Variants in DNAJC17 observed in about 807,000 individuals in gnomAD.
DNAJC17 encodes DnaJ heat shock protein family (Hsp40) member C17, also known as dnaJ homolog subfamily C member 17.
DNAJC17 carries 35 observed loss-of-function variants against 48.1 expected under a neutral mutation model. The observed-to-expected ratio is 0.73, with a 90% CI of 0.56 to 0.96. The LOEUF (loss-of-function observed/expected upper bound fraction) is 0.96, where lower values mean the gene tolerates loss of function less well. Among genes scored for constraint, DNAJC17 ranks in the 50% least tolerant of loss-of-function variants. The pLI, the probability that DNAJC17 is intolerant of heterozygous loss-of-function variation, is 0.00. For missense variants in DNAJC17, 355 were observed against 377.1 expected, an observed-to-expected ratio of 0.94 and a Z score of 0.48; for synonymous variants, 117 against 142.7, an observed-to-expected ratio of 0.82 and a Z score of 1.28.
At chr15:40,771,096 A>T (rs887614358) in intron 10 of DNAJC17, 2 of 1,391,156 alleles carry the variant, frequency 1.4e-6, no homozygotes, top group African/African-American at 2.9e-5. Context: ...GGACAGGGAC[A>T]GGACTCCAGG....
chr15:40,765,582 C>G lies in DNAJC17; in HGVS notation c.*2358G>C, dbSNP rs1485133872. 6.2e-6 allele frequency: 2 copies of G among 324,976 alleles called. No homozygotes were observed. Among genetic ancestry groups the G allele is most frequent in the Non-Finnish European group, 1.1e-5 (2 of 179,368 alleles). 20.1% of individuals were successfully genotyped at this position (324,976 alleles called of 1,614,324 possible). A position where few individuals can be genotyped will look rare whatever the true frequency, so the allele number is the denominator to read the frequency against. On this transcript the variant is annotated 3_prime_UTR_variant, in exon 11 of 11. Coordinates refer to ENST00000220496, the MANE Select transcript of DNAJC17 (RefSeq NM_018163.3). ...GCCTCAGTAGCTGGAACTATAGGCT[C>G]GTGATACTTTGCCTGGCTAAAGCTG...
chr15:40,775,784 G>A (rs1273250576), intron 6 of DNAJC17, among the ~76,000 whole-genome samples, 188 bp from the exon 7 acceptor site: 1 of 152,130 alleles, frequency 6.6e-6, no homozygotes, highest in East Asian at 1.9e-4. Flanking sequence ...GCCACCCCAG[G>A]GGTGGTCTAC....
rs1025821976 is a variant in DNAJC17, at chr15:40,779,453, T to A, written c.207+92A>T. On this transcript the variant is annotated intron_variant, in intron 3 of 10. Coordinates refer to ENST00000220496, the MANE Select transcript of DNAJC17 (RefSeq NM_018163.3). Reference sequence around the variant, plus strand: ...TCCTGGGCTTAGACAGCAAGGACTGTGCCACATGGCAAAGGGCAGAGGACC... The same window carrying A: ...TCCTGGGCTTAGACAGCAAGGACTGAGCCACATGGCAAAGGGCAGAGGACC... 1.9e-6 allele frequency: 3 copies of A among 1,580,498 alleles called. No individual in the cohort carries two copies. The Admixed American group carries it at 5.1e-5, about 27-fold the overall frequency.
intron 1 of DNAJC17, among the ~76,000 whole-genome samples, chr15:40,804,429 C>G (rs1178283190): frequency 1.4e-5 from 2 of 147,810 alleles, no homozygotes; most frequent in African/African-American, 2.5e-5. Flanking sequence ...AAAAAAAAAG[C>G]AAAAACAAAC....
intron 1 of DNAJC17, chr15:40,806,975 T>G: frequency 2.5e-6 from 1 of 403,374 alleles, no homozygotes; most frequent in Non-Finnish European, 4.5e-6. Context: ...TCTAGGCTCT[T>G]AGTGGAAGAA....
At position 40,770,566 on chromosome 15, in the gene DNAJC17, G is replaced by C; in HGVS notation, c.793-2504C>G. ...AAGCAGCTGAGCCTGGGGCGGCCACGGCGGCTCCGGCGACAGAGTAGTGTG... is the reference window on the plus strand; with the variant it reads ...AAGCAGCTGAGCCTGGGGCGGCCACCGCGGCTCCGGCGACAGAGTAGTGTG... On this transcript the variant is annotated intron_variant, in intron 10 of 10. Coordinates refer to ENST00000220496, the MANE Select transcript of DNAJC17 (RefSeq NM_018163.3). The surrounding 1 kb of genome is among the most constrained non-coding windows in gnomAD (Gnocchi z 5.0). The C allele has an allele frequency of 1.9e-6, 3 of 1,550,624 alleles. No homozygotes were observed. The highest frequency in any genetic ancestry group is 2.6e-6 in the Non-Finnish European group (3 of 1,146,974).
intron 1 of DNAJC17, among the ~76,000 whole-genome samples, chr15:40,788,789 T>C (rs376172845): frequency 7.9e-4 from 121 of 152,212 alleles, no homozygotes; most frequent in African/African-American, 2.8e-3. Flanking sequence ...GGAAGGATTA[T>C]TTGAGTCCAC....
intron 10 of DNAJC17, among the ~76,000 whole-genome samples, 189 bp downstream of exon 10, chr15:40,773,538 G>T (rs1889219200): frequency 6.6e-6 from 1 of 152,174 alleles, no homozygotes; most frequent in South Asian, 2.1e-4. Context: ...TGTGGGTGGG[G>T]CCTCTCTGGC....
At chr15:40,795,570 C>A (rs1357247450) in intron 1 of DNAJC17, among the ~76,000 whole-genome samples, 3 of 152,100 alleles carry the variant, frequency 2.0e-5, no homozygotes, top group African/African-American at 7.2e-5. Context: ...TGAAAAAGAA[C>A]CAGGCAGAAC....
chr15:40,792,857 C>G (rs2141959465), intron 1 of DNAJC17, among the ~76,000 whole-genome samples: 1 of 150,714 alleles, frequency 6.6e-6, no homozygotes, highest in East Asian at 1.9e-4. Context: ...ATTCTCCAGT[C>G]TACAAAATAA....
chr15:40,774,555 T>A, intron 8 of DNAJC17, 119 bp from the exon 9 acceptor site: 1 of 1,073,182 alleles, frequency 9.3e-7, no homozygotes, highest in Non-Finnish European at 1.4e-6. Context: ...GGGAGATAAC[T>A]TCTTGCCCCA....
rs549983422 is a variant in DNAJC17 at position 40,775,474 on chromosome 15, G to A, written c.522+79C>T. 52 of 1,513,032 alleles carry A rather than the reference G, an allele frequency of 3.4e-5. No individual in the cohort carries two copies. The South Asian group carries it at 5.2e-4, about 15-fold the overall frequency. The allele number at this position is 1,513,032 out of a possible 1,614,324, so 93.7% of individuals were successfully genotyped here. A position where few individuals can be genotyped will look rare whatever the true frequency, so the allele number is the denominator to read the frequency against. ...TCCAGCAGCCCCACCAGAAACCCTC[G>A]AGCCACAGGAAGCATCTATTCCTGC... is the stretch of plus-strand genomic sequence containing the variant. On this transcript the variant is annotated intron_variant, in intron 7 of 10. Coordinates refer to ENST00000220496, the MANE Select transcript of DNAJC17 (RefSeq NM_018163.3).
chr15:40,795,429 G>A (rs1008855653), intron 1 of DNAJC17, among the ~76,000 whole-genome samples: 3 of 152,074 alleles, frequency 2.0e-5, no homozygotes, highest in African/African-American at 7.2e-5. Flanking sequence ...CCCTAAAACC[G>A]CTTCTCTTCA....
intron 1 of DNAJC17, among the ~76,000 whole-genome samples, chr15:40,797,495 C>G (rs1398233295): frequency 1.3e-5 from 2 of 151,772 alleles, no homozygotes; most frequent in African/African-American, 2.4e-5. Flanking sequence ...CTCACTGCAA[C>G]CTCCGCCTCT....
intron 1 of DNAJC17, among the ~76,000 whole-genome samples, chr15:40,805,661 T>A (rs1427111910): frequency 6.7e-6 from 1 of 150,168 alleles, no homozygotes; most frequent in Non-Finnish European, 1.5e-5. Context: ...AAACCCCGTC[T>A]CTACTAAAAA....
rs1382480298 is a variant in DNAJC17 at position 40,769,003 on chromosome 15, TGTG to T, written c.793-944_793-942del. Among the ~76,000 whole-genome samples the T allele has an allele frequency of 1.3e-5, 2 of 151,964 alleles. No individual in the cohort carries two copies. Among genetic ancestry groups the T allele is most frequent in the Admixed American group, 6.6e-5 (1 of 15,262 alleles). ...GTCACAGAGCAAGGCAGGAGGAAAA[TGTG>T]GTGGTCAGTGACCCGGGGAATAGGA... On this transcript the variant is annotated intron_variant, in intron 10 of 10. Transcript: ENST00000220496. The surrounding 1 kb of genome is among the most constrained non-coding windows in gnomAD (Gnocchi z 4.2).
At chr15:40,804,210 T>C (rs1890147524) in intron 1 of DNAJC17, among the ~76,000 whole-genome samples, 1 of 151,874 alleles carries the variant, frequency 6.6e-6, no homozygotes, top group African/African-American at 2.4e-5. Context: ...CCTCAAGCGT[T>C]CCTTCCACCT....
chr15:40,780,090 C>T lies in DNAJC17; in HGVS notation c.79-93G>A, dbSNP rs554388321. The T allele has an allele frequency of 2.5e-5, 31 of 1,247,376 alleles. 1 individual carries two copies. The African/African-American group carries it at 2.9e-4, about 12-fold the overall frequency. 77.3% of individuals were successfully genotyped at this position (1,247,376 alleles called of 1,614,324 possible). A position where few individuals can be genotyped will look rare whatever the true frequency, so the allele number is the denominator to read the frequency against. On this transcript the variant is annotated intron_variant, in intron 1 of 10. Coordinates refer to ENST00000220496, the MANE Select transcript of DNAJC17 (RefSeq NM_018163.3). ...CAATGGGTAAGGGGAATCCCATGCACACCTAAAAGAGAAGCTGCTGGCGCC... is the reference window on the plus strand; with the variant it reads ...CAATGGGTAAGGGGAATCCCATGCATACCTAAAAGAGAAGCTGCTGGCGCC...
chr15:40,779,821 C>A, intron 2 of DNAJC17, 107 bp downstream of exon 2: 1 of 1,325,752 alleles, frequency 7.5e-7, no homozygotes, highest in Non-Finnish European at 1.1e-6. Context: ...TGGAGCCAGG[C>A]AATGTGTGCT....
Sources: gnomAD v4.1 joint callset for allele counts (sites outside exome capture counted in the v4.1 genomes callset) on GRCh38, gnomAD v4.1.1 for gene constraint, Gnocchi (gnomAD v3.1) non-coding constraint, MANE v1.5 for transcripts, NCBI Gene and HGNC (gene_info 2026-07-23, HGNC 2026-07-21) for gene names.